TMEM132C: variants seen among roughly 807,000 people sequenced by gnomAD.
TMEM132C encodes transmembrane protein 132C.
In TMEM132C, 29 loss-of-function variants were observed where a neutral mutation model predicts 61.4. That is an observed-to-expected ratio of 0.47 (90% CI 0.35 to 0.64). The LOEUF (loss-of-function observed/expected upper bound fraction) is 0.64, where lower values mean the gene tolerates loss of function less well. Among genes scored for constraint, TMEM132C ranks in the 30% least tolerant of loss-of-function variants. The pLI, the probability that TMEM132C is intolerant of heterozygous loss-of-function variation, is 0.00. For synonymous variants in TMEM132C, 656 were observed against 633.1 expected, an observed-to-expected ratio of 1.04 and a Z score of -0.54; for missense variants, 1,408 against 1,476.9, an observed-to-expected ratio of 0.95 and a Z score of 0.76.
intron 5 of TMEM132C, among the ~76,000 whole-genome samples, chr12:128,686,064 T>C (rs1566014930): frequency 1.3e-5 from 1 of 76,750 alleles, no homozygotes; most frequent in East Asian, 3.7e-4. Context: ...TGTGTGTGTG[T>C]GCATGCGTGT....
chr12:128,312,760 A>G (rs1872016154), intron 1 of TMEM132C, among the ~76,000 whole-genome samples: 1 of 152,192 alleles, frequency 6.6e-6, no homozygotes, highest in African/African-American at 2.4e-5. Context: ...TAGAACTGTG[A>G]GAGGATAAAG....
At chr12:128,457,987 C>G (rs1870401616) in intron 2 of TMEM132C, among the ~76,000 whole-genome samples, 1 of 151,978 alleles carries the variant, frequency 6.6e-6, no homozygotes, top group African/African-American at 2.4e-5. Flanking sequence ...AGCCAGAAAT[C>G]CATATATTTA....
intron 2 of TMEM132C, among the ~76,000 whole-genome samples, chr12:128,468,508 C>T (rs1271337781): frequency 6.6e-6 from 1 of 151,788 alleles, no homozygotes; most frequent in South Asian, 2.1e-4. Context: ...TAGTAGAGAC[C>T]GGGTTTCTCC....
intron 2 of TMEM132C, among the ~76,000 whole-genome samples, chr12:128,432,223 C>G (rs1869416776): frequency 6.6e-6 from 1 of 152,176 alleles, no homozygotes; most frequent in African/African-American, 2.4e-5. Flanking sequence ...CCATTGCTAA[C>G]ACAACATCCA....
chr12:128,688,670 G>A (rs1196798013), intron 5 of TMEM132C, among the ~76,000 whole-genome samples: 1 of 152,098 alleles, frequency 6.6e-6, no homozygotes, highest in Non-Finnish European at 1.5e-5. Context: ...GATACAGAAG[G>A]ATCCAGCAAG....
chr12:128,459,116 G>A (rs1870442905), intron 2 of TMEM132C, among the ~76,000 whole-genome samples: 1 of 152,214 alleles, frequency 6.6e-6, no homozygotes, highest in African/African-American at 2.4e-5. Context: ...AGGCATGGAA[G>A]GGGAAGACTG....
At chr12:128,451,649 CG>C (rs2136058158) in intron 2 of TMEM132C, among the ~76,000 whole-genome samples, 1 of 152,244 alleles carries the variant, frequency 6.6e-6, no homozygotes, top group South Asian at 2.1e-4. Context: ...ATTGCACTTT[CG>C]GTCTGTACAA....
intron 2 of TMEM132C, among the ~76,000 whole-genome samples, chr12:128,442,429 C>A (rs1248377673): frequency 1.3e-5 from 2 of 152,130 alleles, no homozygotes; most frequent in East Asian, 3.9e-4. Flanking sequence ...AGAGTGAAAT[C>A]CCAGTAATAT....
At chr12:128,667,403 C>A (rs1454403488) in intron 4 of TMEM132C, among the ~76,000 whole-genome samples, 1 of 152,150 alleles carries the variant, frequency 6.6e-6, no homozygotes, top group East Asian at 1.9e-4. Flanking sequence ...CTAAAGTATT[C>A]TTAGCCTCCA....
intron 2 of TMEM132C, among the ~76,000 whole-genome samples, chr12:128,501,430 A>G (rs1325968958): frequency 6.6e-6 from 1 of 152,182 alleles, no homozygotes; most frequent in Non-Finnish European, 1.5e-5. Flanking sequence ...AATAATCCAA[A>G]TTCATCATAG....
intron 5 of TMEM132C, among the ~76,000 whole-genome samples, chr12:128,684,496 C>G (rs1954659165): frequency 6.6e-6 from 1 of 152,222 alleles, no homozygotes; most frequent in Non-Finnish European, 1.5e-5. Flanking sequence ...GGCGGGCAAC[C>G]AGCCATCTCC....
At chr12:128,686,088 T>G (rs1954673202) in intron 5 of TMEM132C, among the ~76,000 whole-genome samples, 1 of 138,676 alleles carries the variant, frequency 7.2e-6, no homozygotes, top group African/African-American at 3.3e-5. Flanking sequence ...CGCATGTGTG[T>G]TGTGTGCGCA....
chr12:128,592,059 G>GAAAAAAAAAAAAAAAAAAA (rs55727528), intron 3 of TMEM132C, among the ~76,000 whole-genome samples: 1 of 125,466 alleles, frequency 8.0e-6, no homozygotes, highest in African/African-American at 3.0e-5. Flanking sequence ...AAAAAAAAAA[G>GAAAAAAAAAAAAAAAAAAA]AAAAAAAAAA....
At position 128,519,968 on chromosome 12, in the gene TMEM132C, C is replaced by G. The variant is rs530863325; in HGVS notation, c.975-23989C>G. Among the ~76,000 whole-genome samples, 3 of 152,356 alleles carry G rather than the reference C, an allele frequency of 2.0e-5. No homozygotes were observed. In the East Asian group the frequency reaches 5.8e-4, roughly 29 times the overall value. On this transcript the variant is annotated intron_variant, in intron 2 of 8. Coordinates refer to ENST00000435159, the MANE Select transcript of TMEM132C (RefSeq NM_001136103.3). ...CACCTAAAACACATGTTATTTCAAG[C>G]TCATTGGTTTTCTTCCTCAGACTCT...
At chr12:128,424,073 T>C (rs1869096786) in intron 2 of TMEM132C, among the ~76,000 whole-genome samples, 3 of 145,054 alleles carry the variant, frequency 2.1e-5, no homozygotes, top group Non-Finnish European at 4.5e-5. Context: ...AAAAAAAACT[T>C]TGGGAGGCTA....
At chr12:128,391,122 G>C (rs1308925484) in intron 1 of TMEM132C, among the ~76,000 whole-genome samples, 1 of 152,202 alleles carries the variant, frequency 6.6e-6, no homozygotes, top group Non-Finnish European at 1.5e-5. Context: ...CTCTAATGGA[G>C]GGACTCCTGC....
At chr12:128,370,827 A>G (rs1457388513) in intron 1 of TMEM132C, among the ~76,000 whole-genome samples, 4 of 152,056 alleles carry the variant, frequency 2.6e-5, no homozygotes, top group Non-Finnish European at 5.9e-5. Context: ...ACAGTTTCCC[A>G]TTTATTCATA....
At chr12:128,535,941 TGGG>T (rs1593090540) in intron 2 of TMEM132C, among the ~76,000 whole-genome samples, 1 of 151,594 alleles carries the variant, frequency 6.6e-6, no homozygotes, top group Admixed American at 6.6e-5. Flanking sequence ...ACACTGTTGG[TGGG>T]AGTGTAAATT....
intron 2 of TMEM132C, among the ~76,000 whole-genome samples, chr12:128,469,927 A>G (rs1241905956): frequency 1.3e-5 from 2 of 152,176 alleles, no homozygotes; most frequent in Non-Finnish European, 2.9e-5. Context: ...ATAAATACAT[A>G]CACATATGTG....
Sources: allele counts gnomAD v4.1 joint callset (sites outside exome capture counted in the v4.1 genomes callset), GRCh38; gene constraint gnomAD v4.1.1; transcripts MANE v1.5; gene names NCBI Gene and HGNC (gene_info 2026-07-23, HGNC 2026-07-21).